The following TSPEAR variants were observed in gnomAD, a reference collection of about 807,000 sequenced individuals.
TSPEAR encodes the protein thrombospondin-type laminin G domain and EAR repeat-containing protein.
Under a neutral mutation model 71.6 loss-of-function variants are expected in TSPEAR, and 69 were observed. The ratio of observed to expected loss-of-function variants is 0.96; its 90% CI spans 0.79 to 1.18. TSPEAR has a LOEUF of 1.18. TSPEAR is among the 50% of genes most tolerant of loss of function. TSPEAR has a pLI of 0.00. For missense variants in TSPEAR, 971 were observed against 894.9 expected (o/e 1.09, Z -1.09); for synonymous variants, 402 against 387.2 (o/e 1.04, Z -0.45).
At chr21:44,527,247 T>C (rs782206749) in intron 7 of TSPEAR, 45 bp downstream of exon 7, 4 of 1,608,834 alleles carry the variant, frequency 2.5e-6, no homozygotes, top group African/African-American at 1.3e-5. Flanking sequence ...ACTCGGGGCT[T>C]TCCAAGAGAA....
At chr21:44,555,641 G>A (rs11701526) in intron 2 of TSPEAR, among the ~76,000 whole-genome samples, 84,845 of 151,224 alleles carry the variant, frequency 0.56, 24,714 homozygotes, top group South Asian at 0.72. Flanking sequence ...TCCTTATGTG[G>A]TGAGTCCCCC....
rs1981777104 is a variant in TSPEAR at position 44,612,589 on chromosome 21, G to A, written c.83-44584C>T. The A allele has an allele frequency of 1.9e-6, 3 of 1,614,028 alleles. No homozygotes were observed. The African/African-American group carries it at 4.0e-5, about 22-fold the overall frequency. On this transcript the variant is annotated intron_variant, in intron 1 of 11. Transcript: ENST00000323084. This position sits in a 1 kb window ranked among gnomAD's most constrained non-coding sequence, Gnocchi z 4.1. ...GCTGCACCTTCTCCCCATGCCAACA[G>A]GCCTGCTGTGTGCCCATCTGCTGCA...
At chr21:44,656,361 G>A (rs1250641830) in intron 1 of TSPEAR, among the ~76,000 whole-genome samples, 5 of 152,194 alleles carry the variant, frequency 3.3e-5, no homozygotes, top group Non-Finnish European at 5.9e-5. Flanking sequence ...GTGCACATCT[G>A]CAGGGGAGGA....
intron 2 of TSPEAR, among the ~76,000 whole-genome samples, chr21:44,544,584 G>T (rs2053270658): frequency 6.6e-6 from 1 of 152,208 alleles, no homozygotes; most frequent in African/African-American, 2.4e-5. Flanking sequence ...GAGAAATAAT[G>T]CTAGGCTTAA....
In TSPEAR at chr21:44,695,825, G is replaced by A. The variant is rs1439695258; in HGVS notation, c.82+15608C>T. On this transcript the variant is annotated intron_variant, in intron 1 of 11. Coordinates refer to ENST00000323084, the MANE Select transcript of TSPEAR (RefSeq NM_144991.3). This position sits in a 1 kb window ranked among gnomAD's most constrained non-coding sequence, Gnocchi z 4.5. ...AGAGACCAGCAGACACCACACACCAGGGCTTTTCACTTCAAGGGGCCCATC... is the reference window on the plus strand; with the variant it reads ...AGAGACCAGCAGACACCACACACCAAGGCTTTTCACTTCAAGGGGCCCATC... 3.9e-5 allele frequency among the ~76,000 whole-genome samples: 6 copies of A among 152,026 alleles called. No individual in the cohort carries two copies. Among genetic ancestry groups the A allele is most frequent in the Admixed American group, 3.9e-4 (6 of 15,268 alleles).
chr21:44,617,604 C>G (rs1982187174), intron 1 of TSPEAR, among the ~76,000 whole-genome samples: 1 of 152,250 alleles, frequency 6.6e-6, no homozygotes, highest in Admixed American at 6.5e-5. Flanking sequence ...TGGCCGTGAC[C>G]AGGTTGCCTG....
At chr21:44,538,133 G>A (rs1555916576) in intron 2 of TSPEAR, among the ~76,000 whole-genome samples, 1 of 152,140 alleles carries the variant, frequency 6.6e-6, no homozygotes, top group African/African-American at 2.4e-5. Flanking sequence ...GCATCCCAGG[G>A]GCGGGCATTC....
intron 1 of TSPEAR, among the ~76,000 whole-genome samples, chr21:44,587,352 A>G (rs1489517332): frequency 6.6e-6 from 1 of 152,234 alleles, no homozygotes; most frequent in African/African-American, 2.4e-5. Context: ...GACCTCTACA[A>G]GGAAAACTAC....
chr21:44,503,413 G>A (rs1212735838), intron 11 of TSPEAR, among the ~76,000 whole-genome samples: 1 of 132,408 alleles, frequency 7.6e-6, no homozygotes, highest in Admixed American at 7.2e-5. Flanking sequence ...GGAGGAGGCC[G>A]GAGTTGGTGA....
intron 1 of TSPEAR, among the ~76,000 whole-genome samples, chr21:44,688,325 C>T (rs1986953223): frequency 6.6e-6 from 1 of 152,134 alleles, no homozygotes; most frequent in Non-Finnish European, 1.5e-5. Flanking sequence ...TGCCCCAGGG[C>T]AGGATGGCAG....
chr21:44,655,532 C>A (rs1985093543), intron 1 of TSPEAR, among the ~76,000 whole-genome samples: 1 of 152,208 alleles, frequency 6.6e-6, no homozygotes, highest in Non-Finnish European at 1.5e-5. Context: ...CAGACGGAGC[C>A]CAGGAGGACC....
intron 1 of TSPEAR, chr21:44,658,300 A>G: frequency 6.3e-7 from 1 of 1,596,480 alleles, no homozygotes; most frequent in South Asian, 1.1e-5. Flanking sequence ...GGGGGTACAC[A>G]CCTGTATCCC....
rs1392525501 is a variant in TSPEAR at position 44,623,021 on chromosome 21, C to T, written c.83-55016G>A. The stretch of plus-strand genomic sequence containing the variant: ...TTTGCCATGTGACATGCCCACTCCC[C>T]CTTCACCTTCCACCATGAGCAAAGC... On this transcript the variant is annotated intron_variant, in intron 1 of 11. Transcript: ENST00000323084. The surrounding 1 kb of genome is among the most constrained non-coding windows in gnomAD (Gnocchi z 4.5). Among the ~76,000 whole-genome samples the T allele has an allele frequency of 6.6e-6, 1 of 152,170 alleles. No individual in the cohort carries two copies. Among genetic ancestry groups the T allele is most frequent in the Non-Finnish European group, 1.5e-5 (1 of 68,034 alleles).
At chr21:44,700,446 C>G (rs746313430) in intron 1 of TSPEAR, among the ~76,000 whole-genome samples, 5 of 152,112 alleles carry the variant, frequency 3.3e-5, no homozygotes, top group Admixed American at 6.5e-5. Flanking sequence ...CCAGTCCACA[C>G]GAGAAGAGCC....
At chr21:44,587,416 A>G (rs901777852) in intron 1 of TSPEAR, among the ~76,000 whole-genome samples, 72 of 152,360 alleles carry the variant, frequency 4.7e-4, no homozygotes, top group African/African-American at 1.6e-3. Context: ...AACACATCCC[A>G]TGTTCATGGA....
intron 1 of TSPEAR, among the ~76,000 whole-genome samples, chr21:44,572,356 G>C (rs1202264543): frequency 6.6e-6 from 1 of 152,204 alleles, no homozygotes; most frequent in Non-Finnish European, 1.5e-5. Context: ...GAGCAGCGCT[G>C]CTTTCTCAGA....
Position 44,567,917 on chromosome 21 carries a change from C to T in TSPEAR, c.171G>A (p.Arg57=). The T allele has an allele frequency of 6.2e-7, 1 of 1,605,680 alleles. No homozygotes were observed. The highest frequency in any genetic ancestry group is 1.1e-5 in the South Asian group (1 of 89,772). Residue 57 remains arginine (R), a synonymous_variant, in exon 2 of 12, where the codon CGG becomes CGA. Transcript: ENST00000323084. ...GIRIVQVHGA[R]GLQLSVAAPR... is the part of the protein sequence containing the mutation. Reference sequence around the variant, plus strand: ...GGGCGGCTACTGAGAGCTGGAGTCCCCGTGCACCGTGAACCTGAACTATCC... The same window carrying T: ...GGGCGGCTACTGAGAGCTGGAGTCCTCGTGCACCGTGAACCTGAACTATCC...
Position 44,708,007 on chromosome 21 carries a change from GCACACACACACACACACACA to G in TSPEAR, c.82+3406_82+3425del, listed in dbSNP as rs58196199. ...TTCCCCCCCTCCCCGCCCCGCGCGTGCACACACACACACACACACACACACACACACACACACACCACACA... is the reference window on the plus strand; with the variant it reads ...TTCCCCCCCTCCCCGCCCCGCGCGTGCACACACACACACACACACCACACA... On this transcript the variant is annotated intron_variant, in intron 1 of 11. Transcript: ENST00000323084. Among the ~76,000 whole-genome samples, 16 of 122,410 alleles carry G rather than the reference GCACACACACACACACACACA, an allele frequency of 1.3e-4. No homozygotes were observed. The East Asian group carries it at 1.4e-3, about 11-fold the overall frequency. The allele number at this position is 122,410 out of a possible 152,430, so 80.3% of individuals were successfully genotyped here. A position where few individuals can be genotyped will look rare whatever the true frequency, so the allele number is the denominator to read the frequency against.
intron 1 of TSPEAR, chr21:44,681,857 G>A: frequency 6.2e-7 from 1 of 1,613,054 alleles, no homozygotes; most frequent in Non-Finnish European, 8.5e-7. Context: ...GGGTGCTGCA[G>A]GAGATGGGTC....
Sources: allele counts gnomAD v4.1 joint callset (sites outside exome capture counted in the v4.1 genomes callset), GRCh38; gene constraint gnomAD v4.1.1; non-coding constraint Gnocchi (gnomAD v3.1); transcripts MANE v1.5; gene names NCBI Gene and HGNC (gene_info 2026-07-23, HGNC 2026-07-21).